DUSP16: variants seen among roughly 807,000 people sequenced by gnomAD.
DUSP16 encodes dual specificity phosphatase 16, also known as dual specificity protein phosphatase 16.
DUSP16 carries 21 observed loss-of-function variants against 58.3 expected under a neutral mutation model. The observed-to-expected ratio is 0.36, with a 90% CI of 0.26 to 0.52. The LOEUF (loss-of-function observed/expected upper bound fraction) is 0.52, where lower values mean the gene tolerates loss of function less well. DUSP16 is among the 20% of genes least tolerant of loss of function. The pLI is 0.94. For missense variants in DUSP16, 726 were observed against 819.0 expected (o/e 0.89, Z 1.39); for synonymous variants, 320 against 323.8 (o/e 0.99, Z 0.12).
chr12:12,520,508 T>C (rs1222744038), intron 2 of DUSP16, among the ~76,000 whole-genome samples: 2 of 152,194 alleles, frequency 1.3e-5, no homozygotes, highest in African/African-American at 4.8e-5. Flanking sequence ...TTATGACACA[T>C]AAAAAGCACC....
intron 1 of DUSP16, among the ~76,000 whole-genome samples, chr12:12,547,552 A>C (rs889271233): frequency 6.7e-6 from 1 of 149,646 alleles, no homozygotes; most frequent in South Asian, 2.1e-4. Context: ...AAAAAAAAAA[A>C]AAAAAGCAAA....
chr12:12,509,778 T>C (rs1944048770), intron 3 of DUSP16, among the ~76,000 whole-genome samples: 1 of 152,194 alleles, frequency 6.6e-6, no homozygotes, highest in African/African-American at 2.4e-5. Context: ...TAGCTGTTGA[T>C]GGACATAAGT....
rs1199026965 is a variant in DUSP16, at chr12:12,540,944, C to CTTTTT, written c.-365-19482_-365-19481insAAAAA. Among the ~76,000 whole-genome samples, 289 of 100,640 alleles carry CTTTTT rather than the reference C, an allele frequency of 2.9e-3. 3 individuals are homozygous for CTTTTT. The highest frequency in any genetic ancestry group is 4.2e-3 in the South Asian group (13 of 3,078). 66.0% of individuals were successfully genotyped at this position (100,640 alleles called of 152,430 possible). A position where few individuals can be genotyped will look rare whatever the true frequency, so the allele number is the denominator to read the frequency against. On this transcript the variant is annotated intron_variant, in intron 1 of 6. Coordinates refer to ENST00000298573, the MANE Select transcript of DUSP16 (RefSeq NM_030640.3). Reference sequence around the variant, plus strand: ...CAGTTGCTTTTTTTTCTTTTCTTTTCTTTTCTTTTTTTTTTTTTTTTTTTT... The same window carrying CTTTTT: ...CAGTTGCTTTTTTTTCTTTTCTTTTCTTTTTTTTTCTTTTTTTTTTTTTTTTTTTT...
At chr12:12,535,723 G>C (rs1035894458) in intron 1 of DUSP16, among the ~76,000 whole-genome samples, 1 of 152,208 alleles carries the variant, frequency 6.6e-6, no homozygotes, top group African/African-American at 2.4e-5. Flanking sequence ...TAACATGCCG[G>C]TCAGATGTCC....
At chr12:12,544,686 T>C (rs1944614495) in intron 1 of DUSP16, among the ~76,000 whole-genome samples, 2 of 152,234 alleles carry the variant, frequency 1.3e-5, no homozygotes, top group African/African-American at 4.8e-5. Context: ...GGTAATTCAC[T>C]GTGGTTTCAT....
At chr12:12,485,720 ATTGC>A (rs1434842990) in intron 5 of DUSP16, among the ~76,000 whole-genome samples, 1 of 148,458 alleles carries the variant, frequency 6.7e-6, no homozygotes, top group Non-Finnish European at 1.5e-5. Flanking sequence ...GGTTCAAGTG[ATTGC>A]TTGCCTCGGC....
At chr12:12,525,584 T>C (rs1944294593) in intron 1 of DUSP16, among the ~76,000 whole-genome samples, 1 of 151,872 alleles carries the variant, frequency 6.6e-6, no homozygotes, top group Non-Finnish European at 1.5e-5. Flanking sequence ...ACTTAAAAGA[T>C]AACTCCAGCT....
rs117745229 is a variant in DUSP16, at chr12:12,526,598, C to T, written c.-365-5135G>A. Among the ~76,000 whole-genome samples the T allele has an allele frequency of 2.8e-3, 421 of 152,214 alleles. 8 individuals are homozygous for T. The East Asian group carries it at 0.072, about 26-fold the overall frequency. On this transcript the variant is annotated intron_variant, in intron 1 of 6. Coordinates refer to ENST00000298573, the MANE Select transcript of DUSP16 (RefSeq NM_030640.3). ...TACTTAAAAGGAAAATGTTTTGTTT[C>T]GATTTTTATTACTTGTACACTTCAA...
At position 12,475,257 on chromosome 12, in the gene DUSP16, G is replaced by GAATT. The variant is rs1943406340; in HGVS notation, c.*1572_*1575dup. 1.4e-5 allele frequency: 2 copies of GAATT among 147,564 alleles called. No individual in the cohort carries two copies. The highest frequency in any genetic ancestry group is 4.9e-5 in the African/African-American group (2 of 40,636). The allele number at this position is 147,564 out of a possible 1,614,324, so 9.1% of individuals were successfully genotyped here. A position where few individuals can be genotyped will look rare whatever the true frequency, so the allele number is the denominator to read the frequency against. ...CCCACCCCCAAAAAGCTGCTGTTGT[G>GAATT]AATTAAGGCTTCAAAAGAGGACCCA... is the stretch of plus-strand genomic sequence containing the variant. On this transcript the variant is annotated 3_prime_UTR_variant, in exon 7 of 7. Coordinates refer to ENST00000298573, the MANE Select transcript of DUSP16 (RefSeq NM_030640.3).
chr12:12,550,330 C>T (rs183691712), intron 1 of DUSP16, among the ~76,000 whole-genome samples: 15 of 151,482 alleles, frequency 9.9e-5, no homozygotes, highest in Admixed American at 8.5e-4. Flanking sequence ...GCACATGGTA[C>T]TAGTTTACAC....
At chr12:12,483,616 A>T (rs1013942282) in intron 5 of DUSP16, among the ~76,000 whole-genome samples, 1 of 152,022 alleles carries the variant, frequency 6.6e-6, no homozygotes, top group Non-Finnish European at 1.5e-5. Context: ...TGTTGTGTCC[A>T]TGCAGTCACG....
In DUSP16 at chr12:12,549,010, G is replaced by A. The variant is rs970233765; in HGVS notation, c.-366+13107C>T. 4.6e-5 allele frequency among the ~76,000 whole-genome samples: 7 copies of A among 152,242 alleles called. No homozygotes were observed. In the Middle Eastern group the frequency reaches 0.01, roughly 222 times the overall value. The stretch of plus-strand genomic sequence containing the variant: ...CAAAAAAATGAGAACACTGTACTGA[G>A]TGTACTTTAATTACAGACAATACAC... On this transcript the variant is annotated intron_variant, in intron 1 of 6. Transcript: ENST00000298573.
At chr12:12,502,399 T>TA (rs1943922164) in intron 3 of DUSP16, among the ~76,000 whole-genome samples, 1 of 152,276 alleles carries the variant, frequency 6.6e-6, no homozygotes, top group Admixed American at 6.5e-5. Context: ...TTTCTATATA[T>TA]TTTTTAACAC....
chr12:12,534,795 CTTTGA>C (rs1223094977), intron 1 of DUSP16, among the ~76,000 whole-genome samples: 8 of 152,204 alleles, frequency 5.3e-5, no homozygotes, highest in South Asian at 4.1e-4. Context: ...CCTTTAAAAT[CTTTGA>C]TTTGTTACTC....
At chr12:12,509,357 TCCCAAA>T (rs1944043400) in intron 3 of DUSP16, among the ~76,000 whole-genome samples, 1 of 146,500 alleles carries the variant, frequency 6.8e-6, no homozygotes, top group Non-Finnish European at 1.5e-5. Flanking sequence ...AGCAGTATGG[TCCCAAA>T]ATTTTTTTAC....
intron 1 of DUSP16, among the ~76,000 whole-genome samples, chr12:12,535,584 A>AAT (rs1257326255): frequency 3.9e-5 from 6 of 152,188 alleles, no homozygotes; most frequent in African/African-American, 1.4e-4. Flanking sequence ...CTAAAATACC[A>AAT]ATATGTCAGT....
intron 4 of DUSP16, among the ~76,000 whole-genome samples, chr12:12,497,965 T>A (rs994823044): frequency 6.8e-6 from 1 of 146,130 alleles, no homozygotes; most frequent in African/African-American, 2.5e-5. Flanking sequence ...CAAGACTCCA[T>A]CTCAAAGAAA....
chr12:12,558,173 A>C (rs1289143253), intron 1 of DUSP16, among the ~76,000 whole-genome samples: 1 of 152,272 alleles, frequency 6.6e-6, no homozygotes, highest in Non-Finnish European at 1.5e-5. Flanking sequence ...CATACTGCTA[A>C]CAAATGTTTT....
chr12:12,540,920 A>C (rs957679571), intron 1 of DUSP16, among the ~76,000 whole-genome samples: 1 of 146,234 alleles, frequency 6.8e-6, no homozygotes, highest in Non-Finnish European at 1.5e-5. Flanking sequence ...GGAGGCAGAC[A>C]GTTGCTTTTT....
Sources: allele counts gnomAD v4.1 joint callset (sites outside exome capture counted in the v4.1 genomes callset), GRCh38; gene constraint gnomAD v4.1.1; transcripts MANE v1.5; gene names NCBI Gene and HGNC (gene_info 2026-07-23, HGNC 2026-07-21).